The following USP14 variants were observed in gnomAD, a reference collection of about 807,000 sequenced individuals.
USP14 encodes ubiquitin specific peptidase 14.
In USP14, 38 loss-of-function variants were observed where a neutral mutation model predicts 76.5. The ratio of observed to expected loss-of-function variants is 0.50; its 90% CI spans 0.38 to 0.65. The LOEUF is 0.65. Among genes scored for constraint, USP14 ranks in the 30% least tolerant of loss-of-function variants. USP14 has a pLI of 0.00. For synonymous variants in USP14, 192 were observed against 191.7 expected (o/e 1.00, Z -0.01); for missense variants, 467 against 586.5 (o/e 0.80, Z 2.10).
rs899546637 is a variant in USP14, at chr18:198,106, G to C, written c.735G>C (p.Gln245His). The C allele has an allele frequency of 1.2e-6, 2 of 1,609,652 alleles. No homozygotes were observed. The highest frequency in any genetic ancestry group is 1.7e-6 in the Non-Finnish European group (2 of 1,177,116). The change falls in exon 9 of 16, where the codon CAG becomes CAC. Residue 245 changes from glutamine (Q) to histidine (H), a missense_variant. Transcript: ENST00000261601. ...TPSKKKSLIDQFFGVEFETTM... is the reference protein window; with the variant it reads ...TPSKKKSLIDHFFGVEFETTM... ...CTAAAAAGAAAAGTTTAATCGATCA[G>C]TTCTTCGGTGTTGAGTTTGAAACTA...
chr18:190,373 T>G (rs1289267513), intron 5 of USP14, among the ~76,000 whole-genome samples: 1 of 152,206 alleles, frequency 6.6e-6, no homozygotes, highest in African/African-American at 2.4e-5. Context: ...TATTCAGTTT[T>G]AGTATGTTTT....
At position 203,180 on chromosome 18, in the gene USP14, A is replaced by G. The variant is rs917801705; in HGVS notation, c.1025A>G (p.Lys342Arg). 3 of 1,613,634 alleles carry G rather than the reference A, an allele frequency of 1.9e-6. No homozygotes were observed. Among genetic ancestry groups the G allele is most frequent in the Non-Finnish European group, 2.5e-6 (3 of 1,179,768 alleles). ...FYKEKESVNA[K>R]VLKDVKFPLM... ...AAAGAGAAGGAATCTGTGAATGCCA[A>G]AGTTCTTAAGGTTAGTAATGAACTT... The change falls in exon 12 of 16, where the codon AAA (lysine) becomes AGA (arginine). Residue 342 changes from lysine (K) to arginine (R), a missense_variant. Lys to Arg is a conservative substitution (Grantham distance 26). Coordinates refer to ENST00000261601, the MANE Select transcript of USP14 (RefSeq NM_005151.4).
intron 1 of USP14, 184 bp downstream of exon 1, chr18:158,898 G>A (rs544925230): frequency 3.0e-6 from 3 of 1,001,392 alleles, no homozygotes; most frequent in East Asian, 6.9e-5. Context: ...AGCCCTGCGT[G>A]GCAGGGGAGC....
chr18:171,919 G>A (rs1909475253), intron 3 of USP14, among the ~76,000 whole-genome samples: 1 of 152,148 alleles, frequency 6.6e-6, no homozygotes, highest in Admixed American at 6.6e-5. Flanking sequence ...GGATACAACT[G>A]CACATGTGGT....
At chr18:186,338 T>C (rs1909929264) in intron 5 of USP14, among the ~76,000 whole-genome samples, 1 of 152,116 alleles carries the variant, frequency 6.6e-6, no homozygotes, top group Non-Finnish European at 1.5e-5. Flanking sequence ...CACCTGTAGT[T>C]CCAGCTACTC....
In USP14 at chr18:213,860, A is replaced by G. The variant is rs1469291392; in HGVS notation, c.*2576A>G. ...TCACAAGAATCCCTGAAGTGATTAA[A>G]AGTCTTGAGAGGTCAGGCAATTTTT... On this transcript the variant is annotated 3_prime_UTR_variant, in exon 16 of 16. Coordinates refer to ENST00000261601, the MANE Select transcript of USP14 (RefSeq NM_005151.4). 1 of 152,228 alleles carries G rather than the reference A, an allele frequency of 6.6e-6. No individual in the cohort carries two copies. Among genetic ancestry groups the G allele is most frequent in the African/African-American group, 2.4e-5 (1 of 41,462 alleles). 9.4% of individuals were successfully genotyped at this position (152,228 alleles called of 1,614,324 possible).
intron 12 of USP14, among the ~76,000 whole-genome samples, chr18:203,920 T>C (rs1447145229): frequency 6.6e-6 from 1 of 152,172 alleles, no homozygotes; most frequent in Non-Finnish European, 1.5e-5. Context: ...CAAAGAGTAC[T>C]TAAATTGTAA....
At chr18:199,345 G>GT (rs1176965064) in intron 10 of USP14, 29 bp downstream of exon 10, 1 of 1,503,580 alleles carries the variant, frequency 6.7e-7, no homozygotes, top group Non-Finnish European at 9.2e-7. Context: ...CATCCTTGTT[G>GT]TTTGTGAATT....
intron 6 of USP14, among the ~76,000 whole-genome samples, chr18:194,439 T>A (rs967999414): frequency 1.3e-5 from 2 of 152,236 alleles, no homozygotes; most frequent in African/African-American, 4.8e-5. Context: ...CTTTTTGTTT[T>A]GAAATACATT....
intron 3 of USP14, among the ~76,000 whole-genome samples, chr18:176,716 CAA>C: frequency 6.6e-6 from 1 of 152,194 alleles, no homozygotes; most frequent in African/African-American, 2.4e-5. Context: ...AATCTTCCAA[CAA>C]TGCATGAGTT....
intron 3 of USP14, among the ~76,000 whole-genome samples, chr18:168,480 G>T (rs919698872): frequency 1.3e-5 from 2 of 152,068 alleles, no homozygotes; most frequent in African/African-American, 4.8e-5. Flanking sequence ...TGTCGCCCAG[G>T]CTGGAGTGTG....
chr18:192,981 T>A, intron 6 of USP14, 81 bp downstream of exon 6: 1 of 1,227,338 alleles, frequency 8.1e-7, no homozygotes, highest in Non-Finnish European at 1.1e-6. Context: ...GTTTACAGAA[T>A]GTCTTTTGTA....
Position 171,103 on chromosome 18 carries a change from A to G in USP14, c.195+4284A>G, listed in dbSNP as rs7227809. On this transcript the variant is annotated intron_variant, in intron 3 of 15. Transcript: ENST00000261601. Reference sequence around the variant, plus strand: ...GTTCACGAGGTTTAAAGAAAGAAGCAATCTCTGTAACATAAAAGTGCAAGG... The same window carrying G: ...GTTCACGAGGTTTAAAGAAAGAAGCGATCTCTGTAACATAAAAGTGCAAGG... Among the ~76,000 whole-genome samples the G allele has an allele frequency of 1.9e-3, 277 of 148,836 alleles. 3 individuals are homozygous for G. Among genetic ancestry groups the G allele is most frequent in the African/African-American group, 6.2e-3 (250 of 40,510 alleles).
intron 3 of USP14, among the ~76,000 whole-genome samples, chr18:171,025 A>AAAATATATATATAT (rs1327304974): frequency 1.5e-4 from 7 of 47,648 alleles, no homozygotes; most frequent in East Asian, 9.2e-4. Flanking sequence ...AAAAAAAAAA[A>AAAATATATATATAT]ATATATATAT....
chr18:198,776 TAAAA>T (rs545300293), intron 9 of USP14, among the ~76,000 whole-genome samples: 2 of 152,044 alleles, frequency 1.3e-5, no homozygotes, highest in South Asian at 2.1e-4. Context: ...ACTTTTAAAA[TAAAA>T]AAAGAATTTT....
chr18:176,169 AC>A (rs1327139640), intron 3 of USP14, among the ~76,000 whole-genome samples: 3 of 152,044 alleles, frequency 2.0e-5, no homozygotes, highest in East Asian at 3.8e-4. Context: ...CAAAAAAAAA[AC>A]ATTTGGCCTG....
At chr18:171,355 C>CT (rs1232792356) in intron 3 of USP14, among the ~76,000 whole-genome samples, 1 of 152,048 alleles carries the variant, frequency 6.6e-6, no homozygotes, top group Non-Finnish European at 1.5e-5. Flanking sequence ...TAGCTAATGA[C>CT]TTTAAGTTGA....
At chr18:169,375 A>G (rs1598264322) in intron 3 of USP14, among the ~76,000 whole-genome samples, 1 of 151,856 alleles carries the variant, frequency 6.6e-6, no homozygotes, top group Non-Finnish European at 1.5e-5. Context: ...AAAAAAAAAA[A>G]AAAAAAAGAG....
chr18:184,309 G>A (rs947224619), intron 5 of USP14, among the ~76,000 whole-genome samples: 1 of 152,160 alleles, frequency 6.6e-6, no homozygotes, highest in East Asian at 1.9e-4. Flanking sequence ...GTCATGGATG[G>A]TGGTATGTCT....
Sources: gnomAD v4.1 joint callset for allele counts (sites outside exome capture counted in the v4.1 genomes callset) on GRCh38, gnomAD v4.1.1 for gene constraint, MANE v1.5 for transcripts, NCBI Gene and HGNC (gene_info 2026-07-23, HGNC 2026-07-21) for gene names.